Variants in SCAMP1 observed in about 807,000 individuals in gnomAD.
SCAMP1 encodes the protein secretory carrier-associated membrane protein 1.
SCAMP1 carries 15 observed loss-of-function variants against 41.8 expected under a neutral mutation model. The ratio of observed to expected loss-of-function variants is 0.36; its 90% CI spans 0.24 to 0.55. The LOEUF is 0.55. Among genes scored for constraint, SCAMP1 ranks in the 20% least tolerant of loss-of-function variants. The pLI is 0.86. For synonymous variants in SCAMP1, 135 were observed against 136.8 expected (o/e 0.99, Z 0.09); for missense variants, 341 against 412.6 (o/e 0.83, Z 1.50).
intron 7 of SCAMP1, among the ~76,000 whole-genome samples, chr5:78,456,802 C>T (rs1753417791): frequency 8.0e-6 from 1 of 125,612 alleles, no homozygotes; most frequent in Non-Finnish European, 1.6e-5. Context: ...TTCCATTCTC[C>T]CCATCACTTT....
intron 6 of SCAMP1, among the ~76,000 whole-genome samples, chr5:78,447,938 TCCTTCCC>T (rs1252018578): frequency 3.5e-5 from 2 of 57,372 alleles, no homozygotes; most frequent in East Asian, 1.3e-3. Context: ...CCTTCCTCCC[TCCTTCCC>T]CCTCTTTCCC....
At chr5:78,473,122 A>G (rs1157801991) in intron 8 of SCAMP1, among the ~76,000 whole-genome samples, 3 of 152,198 alleles carry the variant, frequency 2.0e-5, no homozygotes, top group Middle Eastern at 3.4e-3. Context: ...ATACTTAATG[A>G]TAGTGCTAAG....
intron 8 of SCAMP1, among the ~76,000 whole-genome samples, chr5:78,461,382 C>G (rs1753609697): frequency 6.6e-6 from 1 of 152,102 alleles, no homozygotes; most frequent in South Asian, 2.1e-4. Flanking sequence ...CAATTTTATT[C>G]TTCTGCATGT....
intron 7 of SCAMP1, among the ~76,000 whole-genome samples, chr5:78,453,742 T>G (rs1265244399): frequency 6.6e-6 from 1 of 152,374 alleles, no homozygotes; most frequent in Non-Finnish European, 1.5e-5. Flanking sequence ...GGTAGCTTTA[T>G]GGCGATGGCA....
At chr5:78,415,280 G>A (rs568359258) in intron 2 of SCAMP1, among the ~76,000 whole-genome samples, 8 of 152,162 alleles carry the variant, frequency 5.3e-5, no homozygotes, top group Non-Finnish European at 1.2e-4. Context: ...TCCTGGAGGA[G>A]AGTGTTTGTC....
chr5:78,365,734 A>G (rs930755875), intron 1 of SCAMP1, among the ~76,000 whole-genome samples: 1 of 152,150 alleles, frequency 6.6e-6, no homozygotes, highest in African/African-American at 2.4e-5. Flanking sequence ...CCATGTTAAA[A>G]TTGAGCATAG....
At chr5:78,383,854 G>A (rs1020659592) in intron 1 of SCAMP1, among the ~76,000 whole-genome samples, 9 of 152,108 alleles carry the variant, frequency 5.9e-5, no homozygotes, top group African/African-American at 2.2e-4. Flanking sequence ...ATAGTTTGAA[G>A]TCTGGTAATG....
At position 78,427,863 on chromosome 5, in the gene SCAMP1, A is replaced by C. The variant is rs551903109; in HGVS notation, c.632+5903A>C. 3.3e-5 allele frequency among the ~76,000 whole-genome samples: 5 copies of C among 152,242 alleles called. No individual in the cohort carries two copies. The South Asian group carries it at 1.0e-3, about 32-fold the overall frequency. On this transcript the variant is annotated intron_variant, in intron 6 of 8. Transcript: ENST00000621999. ...AAATGTTTGTTCAAGTTTATTGTCT[A>C]TTTTAAAAATTCTGTTGTTGACTTC... is the stretch of plus-strand genomic sequence containing the variant.
chr5:78,394,326 A>G lies in SCAMP1; in HGVS notation c.135+5412A>G, dbSNP rs567770664. Among the ~76,000 whole-genome samples the G allele has an allele frequency of 5.9e-5, 9 of 152,216 alleles. No individual in the cohort carries two copies. The East Asian group carries it at 1.7e-3, about 29-fold the overall frequency. Reference sequence around the variant, plus strand: ...TTAGGCAAACCATATAACCTCTTCGAAAATCTTTTTTTTATATATATATAT... The same window carrying G: ...TTAGGCAAACCATATAACCTCTTCGGAAATCTTTTTTTTATATATATATAT... On this transcript the variant is annotated intron_variant, in intron 2 of 8. Transcript: ENST00000621999.
chr5:78,464,121 G>A (rs1172866330), intron 8 of SCAMP1, among the ~76,000 whole-genome samples: 2 of 150,510 alleles, frequency 1.3e-5, no homozygotes, highest in Non-Finnish European at 2.9e-5. Context: ...GGGACTACAG[G>A]CATGCGCCAC....
Position 78,476,719 on chromosome 5 carries a change from G to A in SCAMP1, c.*1051G>A, listed in dbSNP as rs1210970876. ...GTGGCATTAAACATAAAAAGACCCT[G>A]GCATTTTTTCACATACTTGAATCCC... is the stretch of plus-strand genomic sequence containing the variant. On this transcript the variant is annotated 3_prime_UTR_variant, in exon 9 of 9. Transcript: ENST00000621999. 1 of 152,134 alleles carries A rather than the reference G, an allele frequency of 6.6e-6. No homozygotes were observed. The highest frequency in any genetic ancestry group is 1.5e-5 in the Non-Finnish European group (1 of 67,906). The allele number at this position is 152,134 out of a possible 1,614,324, so 9.4% of individuals were successfully genotyped here.
intron 5 of SCAMP1, among the ~76,000 whole-genome samples, chr5:78,419,886 T>C (rs1752298521): frequency 1.3e-5 from 2 of 152,216 alleles, no homozygotes; most frequent in Non-Finnish European, 1.5e-5. Context: ...TTTCGAGATA[T>C]TCTTGATCTA....
intron 7 of SCAMP1, among the ~76,000 whole-genome samples, chr5:78,457,346 T>C (rs2112225520): frequency 6.6e-6 from 1 of 151,772 alleles, no homozygotes; most frequent in South Asian, 2.1e-4. Flanking sequence ...ATGATGGTGA[T>C]GTACAGATGG....
At position 78,475,545 on chromosome 5, in the gene SCAMP1, G is replaced by A. The variant is rs1441657621; in HGVS notation, c.894G>A (p.Lys298=). Residue 298 remains lysine, a synonymous_variant, in exon 9 of 9, where the codon AAG becomes AAA. Coordinates refer to ENST00000621999, the MANE Select transcript of SCAMP1 (RefSeq NM_004866.6). ...LYRTTGASFE[K]AQQEFATGVM... is the part of the protein sequence containing the mutation. ...GCACAACAGGTGCTAGTTTTGAGAA[G>A]GCCCAACAGGAGTTTGCAACAGGTG... 3.7e-6 allele frequency: 6 copies of A among 1,610,786 alleles called. No individual in the cohort carries two copies.
At chr5:78,423,012 G>A (rs1036126881) in intron 6 of SCAMP1, among the ~76,000 whole-genome samples, 3 of 150,814 alleles carry the variant, frequency 2.0e-5, no homozygotes, top group Admixed American at 6.6e-5. Context: ...ACACACGCGC[G>A]CGCGCACACA....
rs549214820 is a variant in SCAMP1 at position 78,480,091 on chromosome 5, A to G, written c.*4423A>G. ...TTCATTAGTGCTGGCCGTGTTTCAA[A>G]TGGCAAGGGAACATGGGAACTATCA... On this transcript the variant is annotated 3_prime_UTR_variant, in exon 9 of 9. Coordinates refer to ENST00000621999, the MANE Select transcript of SCAMP1 (RefSeq NM_004866.6). Among the ~76,000 whole-genome samples the G allele has an allele frequency of 1.6e-4, 25 of 152,208 alleles. No homozygotes were observed. The highest frequency in any genetic ancestry group is 3.4e-3 in the Middle Eastern group (1 of 294).
At chr5:78,392,163 A>T (rs1427172049) in intron 2 of SCAMP1, among the ~76,000 whole-genome samples, 1 of 152,246 alleles carries the variant, frequency 6.6e-6, no homozygotes, top group Non-Finnish European at 1.5e-5. Context: ...GCATTTTTAT[A>T]TAGTAGCAGC....
intron 1 of SCAMP1, among the ~76,000 whole-genome samples, chr5:78,371,812 T>G (rs1750949656): frequency 6.6e-6 from 1 of 152,208 alleles, no homozygotes; most frequent in Non-Finnish European, 1.5e-5. Context: ...TTGAATTAAA[T>G]AATACATTTT....
At chr5:78,391,358 G>T (rs1237966593) in intron 2 of SCAMP1, among the ~76,000 whole-genome samples, 31 of 149,378 alleles carry the variant, frequency 2.1e-4, no homozygotes, top group Non-Finnish European at 4.3e-4. Flanking sequence ...AGGGGCGGCC[G>T]GGCAGAGGCG....
Sources: gnomAD v4.1 joint callset for allele counts (sites outside exome capture counted in the v4.1 genomes callset) on GRCh38, gnomAD v4.1.1 for gene constraint, MANE v1.5 for transcripts, NCBI Gene and HGNC (gene_info 2026-07-23, HGNC 2026-07-21) for gene names.